Variants in ADAM22 observed in about 807,000 individuals in gnomAD.
The protein encoded by ADAM22 is disintegrin and metalloproteinase domain-containing protein 22.
Under a neutral mutation model 144.6 loss-of-function variants are expected in ADAM22, and 65 were observed. That is an observed-to-expected ratio of 0.45 (90% confidence interval 0.37 to 0.55). The LOEUF (loss-of-function observed/expected upper bound fraction) is 0.55. ADAM22 is among the 20% of genes least tolerant of loss of function. The pLI, the probability that ADAM22 is intolerant of heterozygous loss-of-function variation, is 0.00. For synonymous variants in ADAM22, 391 were observed against 412.6 expected (o/e 0.95, Z 0.63); for missense variants, 974 against 1,184.9 (o/e 0.82, Z 2.61).
intron 20 of ADAM22, among the ~76,000 whole-genome samples, chr7:88,152,505 T>G (rs1838730603): frequency 6.6e-6 from 1 of 152,230 alleles, no homozygotes; most frequent in Non-Finnish European, 1.5e-5. Context: ...TACCACTGTT[T>G]CTTGAATCTA....
intron 30 of ADAM22, among the ~76,000 whole-genome samples, chr7:88,187,936 C>T (rs982313448): frequency 6.6e-6 from 1 of 151,774 alleles, no homozygotes; most frequent in Non-Finnish European, 1.5e-5. Context: ...TCCCTCCTGC[C>T]CTGTCCCTCT....
chr7:88,032,912 G>A (rs2079422), intron 3 of ADAM22, among the ~76,000 whole-genome samples: 67,568 of 151,898 alleles, frequency 0.44, 15,445 homozygotes, highest in East Asian at 0.59. Context: ...TTTCATCATG[G>A]TTGTGAATTT....
chr7:87,938,207 ATTTTTTTTTTTTTT>A (rs59698275), intron 2 of ADAM22, among the ~76,000 whole-genome samples: 3 of 75,556 alleles, frequency 4.0e-5, no homozygotes, highest in African/African-American at 1.7e-4. Context: ...ATACCCATAG[ATTTTTTTTTTTTTT>A]TTTTTTTTTT....
intron 3 of ADAM22, among the ~76,000 whole-genome samples, chr7:88,045,152 G>C (rs542395108): frequency 1.3e-5 from 2 of 151,102 alleles, no homozygotes; most frequent in South Asian, 4.2e-4. Flanking sequence ...GGAGTACCTG[G>C]GATTACAGGC....
At chr7:88,186,982 T>C (rs1457612561) in intron 30 of ADAM22, among the ~76,000 whole-genome samples, 5 of 152,230 alleles carry the variant, frequency 3.3e-5, no homozygotes, top group African/African-American at 9.6e-5. Context: ...TTTTATGCTA[T>C]GTAGTGTTCT....
intron 7 of ADAM22, among the ~76,000 whole-genome samples, chr7:88,125,153 T>G (rs560105206): frequency 6.6e-6 from 1 of 152,086 alleles, no homozygotes; most frequent in South Asian, 2.1e-4. Flanking sequence ...TTGGAAAAAA[T>G]TAGCTCAAAA....
In ADAM22 at chr7:87,980,287, C is replaced by CTTTTTTTT. The variant is rs71120015; in HGVS notation, c.323+1880_323+1887dup. Among the ~76,000 whole-genome samples, 9 of 118,422 alleles carry CTTTTTTTT rather than the reference C, an allele frequency of 7.6e-5. No individual in the cohort carries two copies. The South Asian group carries it at 1.2e-3, about 16-fold the overall frequency. The allele number at this position is 118,422 out of a possible 152,430, so 77.7% of individuals were successfully genotyped here. Reference sequence around the variant, plus strand: ...TGGGCTGAGAAACATGCACTGTGCTCTTTTTTTTTTTTGCCTGGGATCGAT... The same window carrying CTTTTTTTT: ...TGGGCTGAGAAACATGCACTGTGCTCTTTTTTTTTTTTTTTTTTTTGCCTGGGATCGAT... On this transcript the variant is annotated intron_variant, in intron 3 of 31. Transcript: ENST00000413139.
At chr7:88,041,159 A>G (rs750579581) in intron 3 of ADAM22, among the ~76,000 whole-genome samples, 5 of 152,036 alleles carry the variant, frequency 3.3e-5, no homozygotes, top group Non-Finnish European at 7.4e-5. Context: ...CCCCTTTGCC[A>G]TGTAACATTA....
intron 3 of ADAM22, among the ~76,000 whole-genome samples, chr7:88,033,646 C>T (rs1299820266): frequency 7.9e-5 from 12 of 152,216 alleles, no homozygotes; most frequent in Admixed American, 7.8e-4. Context: ...CAATGGGATT[C>T]CCCAGGCTTT....
At chr7:87,947,237 A>G (rs1315421322) in intron 2 of ADAM22, among the ~76,000 whole-genome samples, 2 of 150,978 alleles carry the variant, frequency 1.3e-5, no homozygotes, top group Non-Finnish European at 3.0e-5. Context: ...AAGATTATGA[A>G]AGCTTTGATT....
At chr7:88,173,719 A>G (rs569572461) in intron 26 of ADAM22, among the ~76,000 whole-genome samples, 2 of 152,210 alleles carry the variant, frequency 1.3e-5, no homozygotes, top group Admixed American at 6.5e-5. Flanking sequence ...TTGAGGTTCC[A>G]TGGTAGGGAG....
chr7:88,145,384 C>G, intron 16 of ADAM22, 31 bp from the exon 17 acceptor site: 1 of 1,575,578 alleles, frequency 6.3e-7, no homozygotes. Context: ...ACACCGTTTT[C>G]TGATGTTTTG....
intron 4 of ADAM22, among the ~76,000 whole-genome samples, chr7:88,082,142 T>C (rs1816877605): frequency 6.6e-6 from 1 of 152,046 alleles, no homozygotes; most frequent in Admixed American, 6.5e-5. Flanking sequence ...AACAGACATA[T>C]AGACCAATGG....
chr7:88,154,065 C>T (rs995522270), intron 21 of ADAM22, among the ~76,000 whole-genome samples: 1 of 152,188 alleles, frequency 6.6e-6, no homozygotes, highest in Non-Finnish European at 1.5e-5. Context: ...TCACACTTTA[C>T]ATAAGCTATG....
rs776110522 is a variant in ADAM22 at position 87,934,430 on chromosome 7, T to G, written c.-36T>G. 7 of 1,566,416 alleles carry G rather than the reference T, an allele frequency of 4.5e-6. No homozygotes were observed. In the South Asian group the frequency reaches 8.1e-5, roughly 18 times the overall value. On this transcript the variant is annotated 5_prime_UTR_variant, in exon 1 of 32. The change abolishes the stop of an existing upstream ORF in the 5' untranslated region. Coordinates refer to ENST00000413139, the MANE Select transcript of ADAM22 (RefSeq NM_001324418.2). ...ACTCGGCGGCGCCGGCATGAGGAGC[T>G]GAGCGTCTCGGGCGAGGCGGGCTGA... is the stretch of plus-strand genomic sequence containing the variant.
intron 2 of ADAM22, among the ~76,000 whole-genome samples, chr7:87,937,280 G>A (rs1208994563): frequency 6.6e-6 from 1 of 152,114 alleles, no homozygotes; most frequent in East Asian, 1.9e-4. Flanking sequence ...TTTCTAAAAG[G>A]TCTTTTAATG....
intron 3 of ADAM22, among the ~76,000 whole-genome samples, chr7:88,035,762 T>A (rs897000331): frequency 3.3e-5 from 5 of 152,170 alleles, no homozygotes; most frequent in African/African-American, 1.2e-4. Flanking sequence ...CAGACTTGAG[T>A]ATCCATGGAT....
intron 5 of ADAM22, among the ~76,000 whole-genome samples, chr7:88,109,721 G>A (rs1825499898): frequency 2.0e-5 from 3 of 147,756 alleles, no homozygotes; most frequent in South Asian, 2.1e-4. Context: ...TTTTTTTTGA[G>A]AGAGAGAGAG....
intron 22 of ADAM22, 139 bp from the exon 23 acceptor site, chr7:88,162,873 A>G (rs1842053004): frequency 1.3e-6 from 1 of 748,026 alleles, no homozygotes; most frequent in South Asian, 2.0e-5. Context: ...TCTGAGATTG[A>G]ACTGGCTTAT....
Sources: gnomAD v4.1 joint callset for allele counts (sites outside exome capture counted in the v4.1 genomes callset) on GRCh38, gnomAD v4.1.1 for gene constraint, MANE v1.5 for transcripts, NCBI Gene and HGNC (gene_info 2026-07-23, HGNC 2026-07-21) for gene names.